The following NUP35 variants were observed in gnomAD, a reference collection of about 807,000 sequenced individuals.
NUP35 encodes the protein nucleoporin NUP35.
Under a neutral mutation model 41.5 loss-of-function variants are expected in NUP35, and 25 were observed. The ratio of observed to expected loss-of-function variants is 0.60; its 90% confidence interval spans 0.44 to 0.84. The LOEUF (loss-of-function observed/expected upper bound fraction) is 0.84. Among genes scored for constraint, NUP35 ranks in the 40% least tolerant of loss-of-function variants. The pLI, the probability that NUP35 is intolerant of heterozygous loss-of-function variation, is 0.00. For missense variants in NUP35, 396 were observed against 396.6 expected (o/e 1.00, Z 0.01); for synonymous variants, 149 against 130.7 (o/e 1.14, Z -0.96).
intron 5 of NUP35, among the ~76,000 whole-genome samples, chr2:183,152,432 C>G (rs1223924472): frequency 6.6e-6 from 1 of 152,020 alleles, no homozygotes; most frequent in East Asian, 1.9e-4. Flanking sequence ...ATCCGTCACC[C>G]CTTTCCCACC....
chr2:183,127,823 A>C (rs1348131285), intron 1 of NUP35, among the ~76,000 whole-genome samples: 3 of 152,246 alleles, frequency 2.0e-5, no homozygotes, highest in Non-Finnish European at 4.4e-5. Context: ...CTTTAATCTC[A>C]GCACTTTGGG....
At chr2:183,135,800 G>C (rs1317812730) in intron 4 of NUP35, among the ~76,000 whole-genome samples, 1 of 152,012 alleles carries the variant, frequency 6.6e-6, no homozygotes, top group Admixed American at 6.6e-5. Flanking sequence ...GGAATTCGAG[G>C]TTGCAAGGGA....
At chr2:183,139,081 A>T (rs1339008314) in intron 4 of NUP35, among the ~76,000 whole-genome samples, 1 of 152,070 alleles carries the variant, frequency 6.6e-6, no homozygotes, top group Non-Finnish European at 1.5e-5. Flanking sequence ...GGTACAAAGG[A>T]CCTAACATTA....
upstream of NUP35, chr2:183,123,745 A>G (rs1700101354): frequency 1.0e-6 from 1 of 981,124 alleles, no homozygotes; most frequent in Admixed American, 6.2e-5. Flanking sequence ...CCCTAAAGAA[A>G]AGCAGCAAAG....
At chr2:183,121,708 G>A (rs1008660355), upstream of NUP35, among the ~76,000 whole-genome samples, 1 of 151,688 alleles carries the variant, frequency 6.6e-6, no homozygotes, top group Non-Finnish European at 1.5e-5. Context: ...GTGGTGGCAT[G>A]CGCCTGTACT....
intron 4 of NUP35, among the ~76,000 whole-genome samples, chr2:183,147,837 T>C (rs1685333432): frequency 6.6e-6 from 1 of 152,220 alleles, no homozygotes; most frequent in Non-Finnish European, 1.5e-5. Flanking sequence ...TCATCTGCGA[T>C]TTCTTTCATC....
chr2:183,132,638 ATTAC>A (rs948486573), intron 3 of NUP35, among the ~76,000 whole-genome samples: 1 of 152,210 alleles, frequency 6.6e-6, no homozygotes, highest in Non-Finnish European at 1.5e-5. Context: ...GCAAGGTTTT[ATTAC>A]TTCTCTGATG....
intron 2 of NUP35, among the ~76,000 whole-genome samples, chr2:183,128,824 T>TA (rs1187730332): frequency 6.6e-6 from 1 of 152,206 alleles, no homozygotes; most frequent in Admixed American, 6.5e-5. Context: ...GCAAAGCTTT[T>TA]AAGGCTCTTG....
rs1225942883 is a variant in NUP35, at chr2:183,130,492, G to A, written c.286G>A (p.Asp96Asn). The change falls in exon 3 of 9, where the codon GAT becomes AAT. Residue 96 changes from aspartate to asparagine, a missense_variant. Coordinates refer to ENST00000295119, the MANE Select transcript of NUP35 (RefSeq NM_138285.5). ...SGAPPVRSIY[D>N]DISSPGLGST... ...CGCTCCACCAGTTAGAAGTATATATGATGACATTTCTAGCCCAGGACTTGG... is the reference window on the plus strand; with the variant it reads ...CGCTCCACCAGTTAGAAGTATATATAATGACATTTCTAGCCCAGGACTTGG... 3 of 1,595,830 alleles carry A rather than the reference G, an allele frequency of 1.9e-6. No homozygotes were observed. Among genetic ancestry groups the A allele is most frequent in the Non-Finnish European group, 2.6e-6 (3 of 1,171,184 alleles).
rs150876743 is a variant in NUP35, at chr2:183,147,383, G to C, written c.398-4125G>C. Reference sequence around the variant, plus strand: ...CATCTTGGTTAATTTTTTTTATATGGTGAGAGGCAGGCTGCATATGGTTAG... The same window carrying C: ...CATCTTGGTTAATTTTTTTTATATGCTGAGAGGCAGGCTGCATATGGTTAG... On this transcript the variant is annotated intron_variant, in intron 4 of 8. Coordinates refer to ENST00000295119, the MANE Select transcript of NUP35 (RefSeq NM_138285.5). Among the ~76,000 whole-genome samples, 1,507 of 152,108 alleles carry C rather than the reference G, an allele frequency of 9.9e-3. 30 individuals are homozygous for C. The highest frequency in any genetic ancestry group is 0.035 in the African/African-American group (1,442 of 41,504).
At position 183,158,314 on chromosome 2, in the gene NUP35, G is replaced by A. The variant is rs201723215; in HGVS notation, c.641G>A (p.Arg214His). 245 of 1,601,170 alleles carry A rather than the reference G, an allele frequency of 1.5e-4. 1 individual carries two copies. The East Asian group carries it at 3.7e-3, about 24-fold the overall frequency. Reference sequence around the variant, plus strand: ...AATACAGGAAATTGGATGCATATTCGTTATCAATCTAAACTGCAGGCTCGG... The same window carrying A: ...AATACAGGAAATTGGATGCATATTCATTATCAATCTAAACTGCAGGCTCGG... The part of the protein sequence containing the change: ...MSNTGNWMHI[R>H]YQSKLQARKA... The change falls in exon 7 of 9, where the codon CGT (arginine) becomes CAT (histidine). Residue 214 changes from arginine (R) to histidine (H), a missense_variant. Arg to His is a conservative substitution (Grantham distance 29). Transcript: ENST00000295119.
upstream of NUP35, among the ~76,000 whole-genome samples, chr2:183,122,081 T>C (rs978083929): frequency 6.6e-6 from 1 of 150,776 alleles, no homozygotes; most frequent in East Asian, 1.9e-4. Flanking sequence ...CTTTTTCTTT[T>C]CTTTTTTTTT....
chr2:183,154,275 C>G (rs1013005830), intron 5 of NUP35, among the ~76,000 whole-genome samples: 4 of 152,238 alleles, frequency 2.6e-5, no homozygotes, highest in Admixed American at 2.6e-4. Flanking sequence ...AGGCTCCTTT[C>G]TAGCTATGCA....
rs1684603541 is a variant in NUP35, at chr2:183,129,082, TTAAAG to T, written c.211+629_211+633del. Among the ~76,000 whole-genome samples, 3 of 152,208 alleles carry T rather than the reference TTAAAG, an allele frequency of 2.0e-5. No individual in the cohort carries two copies. The South Asian group carries it at 6.2e-4, about 32-fold the overall frequency. On this transcript the variant is annotated intron_variant, in intron 2 of 8. Transcript: ENST00000295119. ...ATCATTTAGCTTCAACTGAATTCAT[TTAAAG>T]TAATTCATCTTAAGATACAAGAATA...
intron 2 of NUP35, among the ~76,000 whole-genome samples, chr2:183,129,722 C>T (rs925328485): frequency 1.3e-5 from 2 of 152,128 alleles, no homozygotes; most frequent in East Asian, 1.9e-4. Context: ...AGTAAGTGAG[C>T]GAGCGCTATA....
intron 5 of NUP35, among the ~76,000 whole-genome samples, chr2:183,153,378 G>A (rs957537747): frequency 6.6e-6 from 1 of 152,074 alleles, no homozygotes. Context: ...CTGAGTTAAG[G>A]CAAGTCCCTT....
chr2:183,142,445 G>A (rs966085300), intron 4 of NUP35, among the ~76,000 whole-genome samples: 6 of 149,298 alleles, frequency 4.0e-5, no homozygotes, highest in Admixed American at 1.3e-4. Flanking sequence ...CTCAAATTTT[G>A]TGTGTTTTCT....
intron 4 of NUP35, among the ~76,000 whole-genome samples, chr2:183,146,130 A>G (rs1685268059): frequency 6.6e-6 from 1 of 152,114 alleles, no homozygotes; most frequent in East Asian, 1.9e-4. Flanking sequence ...CAACTACTCC[A>G]GAAGCTGAGA....
chr2:183,157,052 A>G (rs11904060), intron 5 of NUP35, among the ~76,000 whole-genome samples: 28,311 of 152,144 alleles, frequency 0.19, 3,435 homozygotes, highest in African/African-American at 0.34. Flanking sequence ...TTATAATTTA[A>G]AATTCTTTAT....
Sources: gnomAD v4.1 joint callset for allele counts (sites outside exome capture counted in the v4.1 genomes callset) on GRCh38, gnomAD v4.1.1 for gene constraint, MANE v1.5 for transcripts, NCBI Gene and HGNC (gene_info 2026-07-23, HGNC 2026-07-21) for gene names.